Variants in BDP1 observed in about 807,000 individuals in gnomAD.
BDP1 encodes BDP1 general transcription factor IIIB subunit.
A neutral mutation model predicts 266.6 loss-of-function variants in BDP1; 169 were observed. That is an observed-to-expected ratio of 0.63 (90% CI 0.56 to 0.72). The LOEUF is 0.72. Ranked by LOEUF, BDP1 falls within the 30% of genes least tolerant of loss-of-function variation. The pLI is 0.00. For synonymous variants in BDP1, 1,090 were observed against 1,022.4 expected, an observed-to-expected ratio of 1.07 and a Z score of -1.26; for missense variants, 3,015 against 3,053.8, an observed-to-expected ratio of 0.99 and a Z score of 0.30.
chr5:71,562,240 G>A (rs758781179), intron 37 of BDP1, 34 bp from the exon 38 acceptor site: 2 of 1,250,264 alleles, frequency 1.6e-6, no homozygotes, highest in African/African-American at 1.5e-5. Context: ...GTCTTCCTGG[G>A]TATTCTTGAA....
chr5:71,495,402 A>G lies in BDP1; in HGVS notation c.1793A>G (p.Asn598Ser). 1 of 1,569,206 alleles carries G rather than the reference A, an allele frequency of 6.4e-7. No homozygotes were observed. The highest frequency in any genetic ancestry group is 8.7e-7 in the Non-Finnish European group (1 of 1,153,912). Residue 598 changes from asparagine (N) to serine (S), a missense_variant, in exon 12 of 39, where the codon AAT becomes AGT. Physicochemically the swap from Asn to Ser is conservative, Grantham distance 46 (BLOSUM62 1). Coordinates refer to ENST00000358731, the MANE Select transcript of BDP1 (RefSeq NM_018429.3). Reference protein sequence around the residue: ...IEERNVDLKNNSLEIDQTENV... With the variant: ...IEERNVDLKNSSLEIDQTENV... Reference sequence around the variant, plus strand: ...GAAAGAAATGTTGACCTAAAAAATAATTCACTGTAAGTATTTTATACGATA... The same window carrying G: ...GAAAGAAATGTTGACCTAAAAAATAGTTCACTGTAAGTATTTTATACGATA...
In BDP1 at chr5:71,470,444, T is replaced by C. The variant is rs750253998; in HGVS notation, c.969T>C (p.Ser323=). The C allele has an allele frequency of 1.9e-6, 3 of 1,613,012 alleles. No individual in the cohort carries two copies. The highest frequency in any genetic ancestry group is 2.2e-5 in the South Asian group (2 of 90,584). ...TCAGCATGGTAGGAACTGACTTTTC[T>C]ATGATCGGACAACTTTTTCCTCACA... The part of the protein sequence containing the change: ...LAISMVGTDF[S]MIGQLFPHRA... Residue 323 remains serine, a synonymous_variant, in exon 7 of 39, where the codon TCT becomes TCC. Transcript: ENST00000358731.
At chr5:71,556,172 T>A (rs1743205845) in intron 35 of BDP1, among the ~76,000 whole-genome samples, 1 of 152,170 alleles carries the variant, frequency 6.6e-6, no homozygotes, top group Non-Finnish European at 1.5e-5. Context: ...GTTCCCTCAT[T>A]GTATGCAGTA....
chr5:71,466,296 CT>C, intron 5 of BDP1, 75 bp downstream of exon 5: 1 of 1,539,066 alleles, frequency 6.5e-7, no homozygotes, highest in Admixed American at 1.8e-5. Context: ...AAGAGGTCCT[CT>C]TTCTGTATTG....
At chr5:71,524,824 G>C (rs1292672669) in intron 25 of BDP1, among the ~76,000 whole-genome samples, 2 of 149,684 alleles carry the variant, frequency 1.3e-5, no homozygotes, top group East Asian at 3.9e-4. Context: ...AGATTAGGGA[G>C]TGGCGATGAC....
At chr5:71,577,396 G>A in the BDP1 span, among the ~76,000 whole-genome samples, 1 of 152,190 alleles carries the variant, frequency 6.6e-6, no homozygotes, top group African/African-American at 2.4e-5. Flanking sequence ...TCAACCAAGG[G>A]TGGCTACTTG....
chr5:71,534,593 G>T (rs1355624788), intron 26 of BDP1, among the ~76,000 whole-genome samples: 1 of 151,912 alleles, frequency 6.6e-6, no homozygotes, highest in Non-Finnish European at 1.5e-5. Context: ...TCCGCCTCCT[G>T]GGTTCACACC....
At chr5:71,470,640 G>A (rs572400784) in intron 7 of BDP1, 151 bp downstream of exon 7, 2 of 611,872 alleles carry the variant, frequency 3.3e-6, no homozygotes, top group Admixed American at 6.8e-5. Flanking sequence ...CCAGGCTGGA[G>A]TGCAGTGGCA....
Position 71,565,456 on chromosome 5 carries a change from A to G in BDP1, c.*571A>G, listed in dbSNP as rs1052653103. 2.0e-5 allele frequency: 3 copies of G among 152,544 alleles called. No homozygotes were observed. Among genetic ancestry groups the G allele is most frequent in the Admixed American group, 6.5e-5 (1 of 15,304 alleles). 9.4% of individuals were successfully genotyped at this position (152,544 alleles called of 1,614,324 possible). Reference sequence around the variant, plus strand: ...CCTATCAACTAGTGACATTATAGCCATCATAACACAGTGCATTGCTTTTTT... The same window carrying G: ...CCTATCAACTAGTGACATTATAGCCGTCATAACACAGTGCATTGCTTTTTT... On this transcript the variant is annotated 3_prime_UTR_variant, in exon 39 of 39. Coordinates refer to ENST00000358731, the MANE Select transcript of BDP1 (RefSeq NM_018429.3).
At chr5:71,513,091 A>AAAT (rs1765023327) in intron 18 of BDP1, 94 bp from the exon 19 acceptor site, 1 of 733,858 alleles carries the variant, frequency 1.4e-6, no homozygotes, top group Admixed American at 3.0e-5. Context: ...AAAAAAAATT[A>AAAT]AATGTTTACC....
intron 7 of BDP1, chr5:71,476,250 A>C (rs1270164127): frequency 6.5e-6 from 1 of 153,396 alleles, no homozygotes. Context: ...CAACCTTTGC[A>C]TCAGGAGCTT....
intron 22 of BDP1, among the ~76,000 whole-genome samples, chr5:71,521,128 A>C (rs1282473699): frequency 5.3e-5 from 8 of 150,456 alleles, no homozygotes; most frequent in Non-Finnish European, 1.2e-4. Flanking sequence ...CGGAGGTTAC[A>C]GTGAGCCGAG....
intron 14 of BDP1, 29 bp from the exon 15 acceptor site, chr5:71,502,570 A>T (rs1204860111): frequency 2.6e-6 from 4 of 1,549,234 alleles, no homozygotes; most frequent in Middle Eastern, 1.7e-4. Flanking sequence ...TTCAAAATAA[A>T]CATTAATTTT....
intron 34 of BDP1, among the ~76,000 whole-genome samples, chr5:71,551,793 C>T (rs1340215284): frequency 1.3e-5 from 2 of 151,364 alleles, no homozygotes; most frequent in Admixed American, 1.3e-4. Context: ...CCCCACCTCC[C>T]TCCCAGACGG....
At position 71,458,781 on chromosome 5, in the gene BDP1, T is replaced by A; in HGVS notation, c.415T>A (p.Cys139Ser). Residue 139 changes from cysteine (C) to serine (S), a missense_variant, in exon 2 of 39, where the codon TGC becomes AGC. Physicochemically the swap from Cys to Ser is moderately radical, Grantham distance 112 (BLOSUM62 -1). Transcript: ENST00000358731. ...TATSTKEKQP[C>S]SDRYRIYKAQ... ...CACTTCAACAAAAGAGAAACAGCCA[T>A]GCTCAGACAGATACCGAATATACAA... The A allele has an allele frequency of 6.2e-7, 1 of 1,614,084 alleles. No individual in the cohort carries two copies. Among genetic ancestry groups the A allele is most frequent in the Non-Finnish European group, 8.5e-7 (1 of 1,179,970 alleles).
At chr5:71,481,130 C>T (rs369026967) in intron 7 of BDP1, among the ~76,000 whole-genome samples, 22 of 151,458 alleles carry the variant, frequency 1.5e-4, no homozygotes, top group South Asian at 4.2e-4. Flanking sequence ...GCTGAGATCG[C>T]GCCACTGCGC....
chr5:71,568,265 G>A (rs1833856), downstream of BDP1, among the ~76,000 whole-genome samples: 70,595 of 151,998 alleles, frequency 0.46, 16,677 homozygotes, highest in South Asian at 0.55. Context: ...TCTGTTTGCT[G>A]CAGCATCGCA....
At chr5:71,514,376 A>T (rs1765107717) in intron 19 of BDP1, among the ~76,000 whole-genome samples, 1 of 152,192 alleles carries the variant, frequency 6.6e-6, no homozygotes, top group African/African-American at 2.4e-5. Context: ...GGAAAAATAT[A>T]TGTATTCTAA....
At position 71,491,076 on chromosome 5, in the gene BDP1, G is replaced by T; in HGVS notation, c.1585G>T (p.Gly529Cys). The change falls in exon 11 of 39, where the codon GGT (glycine) becomes TGT (cysteine). Residue 529 changes from glycine (G) to cysteine (C), a missense_variant. Physicochemically the swap from Gly to Cys is radical, Grantham distance 159. Transcript: ENST00000358731. ...SCTQNIDGIV[G>C]FASTEKVEKR... ...CACACAAAACATAGATGGCATTGTG[G>T]GTTTTGCCTCCACTGAAAAAGTTGA... 1 of 1,614,006 alleles carries T rather than the reference G, an allele frequency of 6.2e-7. No homozygotes were observed. The highest frequency in any genetic ancestry group is 1.1e-5 in the South Asian group (1 of 91,038).
Sources: allele counts gnomAD v4.1 joint callset (sites outside exome capture counted in the v4.1 genomes callset), GRCh38; gene constraint gnomAD v4.1.1; transcripts MANE v1.5; gene names NCBI Gene and HGNC (gene_info 2026-07-23, HGNC 2026-07-21).